The following RERE variants were observed in gnomAD, a reference collection of about 807,000 sequenced individuals.
RERE encodes arginine-glutamic acid dipeptide repeats, also known as arginine-glutamic acid dipeptide repeats protein.
Under a neutral mutation model 146.1 loss-of-function variants are expected in RERE, and 40 were observed. That is an observed-to-expected ratio of 0.27 (90% CI 0.21 to 0.36). The LOEUF is 0.36. RERE is among the 10% of genes least tolerant of loss of function. The probability of loss-of-function intolerance (pLI) is 1.00; values close to 1 mark genes in which losing one functional copy is unlikely to be tolerated. For synonymous variants in RERE, 1,003 were observed against 866.0 expected (o/e 1.16, Z -2.78); for missense variants, 1,933 against 2,138.7 (o/e 0.90, Z 1.90).
intron 6 of RERE, among the ~76,000 whole-genome samples, chr1:8,550,943 T>A (rs532078401): frequency 6.6e-6 from 1 of 152,236 alleles, no homozygotes; most frequent in Non-Finnish European, 1.5e-5. Flanking sequence ...ATGAACCTAG[T>A]TGCTCATAAC....
At chr1:8,389,901 C>A (rs1642825655) in intron 12 of RERE, among the ~76,000 whole-genome samples, 2 of 152,196 alleles carry the variant, frequency 1.3e-5, no homozygotes, top group Non-Finnish European at 2.9e-5. Flanking sequence ...TCACCTCCAA[C>A]CACCAATGGC....
intron 2 of RERE, among the ~76,000 whole-genome samples, chr1:8,645,090 T>C (rs1021067668): frequency 6.6e-6 from 1 of 152,138 alleles, no homozygotes; most frequent in African/African-American, 2.4e-5. Context: ...GGAAACAATG[T>C]CTAGGTTGTA....
At chr1:8,750,618 T>A (rs1640513579) in intron 1 of RERE, 1 of 974,716 alleles carries the variant, frequency 1.0e-6, no homozygotes, top group Non-Finnish European at 1.6e-6. Context: ...TATAGGCAGA[T>A]GTACAGAACT....
chr1:8,573,266 A>G (rs992129806), intron 4 of RERE, among the ~76,000 whole-genome samples: 2 of 152,230 alleles, frequency 1.3e-5, no homozygotes, highest in African/African-American at 4.8e-5. Flanking sequence ...ACCTGCCTAC[A>G]GCCCAGAGGT....
At chr1:8,790,215 C>T (rs1469695188) in intron 1 of RERE, among the ~76,000 whole-genome samples, 1 of 152,090 alleles carries the variant, frequency 6.6e-6, no homozygotes, top group African/African-American at 2.4e-5. Flanking sequence ...TTATGTGCTC[C>T]TTTGGGACAG....
intron 11 of RERE, among the ~76,000 whole-genome samples, chr1:8,431,863 G>A (rs1009823200): frequency 9.9e-5 from 15 of 152,130 alleles, no homozygotes; most frequent in Admixed American, 9.8e-4. Context: ...TCTGTCAGCT[G>A]CAGCAGAGTT....
chr1:8,746,385 A>G (rs1334217723), intron 1 of RERE, among the ~76,000 whole-genome samples: 1 of 152,188 alleles, frequency 6.6e-6, no homozygotes, highest in Non-Finnish European at 1.5e-5. Flanking sequence ...CCTGGCCACC[A>G]TGACTTGTTC....
intron 1 of RERE, among the ~76,000 whole-genome samples, chr1:8,744,812 G>A (rs1339344087): frequency 6.6e-6 from 1 of 152,070 alleles, no homozygotes. Context: ...CTATTAAGAT[G>A]GAATAAATAG....
chr1:8,452,757 C>T (rs1644403624), intron 11 of RERE, among the ~76,000 whole-genome samples: 1 of 152,148 alleles, frequency 6.6e-6, no homozygotes, highest in South Asian at 2.1e-4. Context: ...AAAATAAAGA[C>T]CTTCCTTTTT....
At chr1:8,692,764 C>T (rs576129755) in intron 1 of RERE, among the ~76,000 whole-genome samples, 1 of 152,128 alleles carries the variant, frequency 6.6e-6, no homozygotes, top group South Asian at 2.1e-4. Flanking sequence ...TGATTAAATC[C>T]GTGGACACAG....
At chr1:8,594,138 T>C (rs1338587505) in intron 4 of RERE, among the ~76,000 whole-genome samples, 2 of 152,212 alleles carry the variant, frequency 1.3e-5, no homozygotes, top group Non-Finnish European at 2.9e-5. Flanking sequence ...AGAATAACCC[T>C]ATGAAGCATG....
intron 12 of RERE, among the ~76,000 whole-genome samples, 163 bp downstream of exon 12, chr1:8,422,564 T>G (rs1465550181): frequency 6.6e-6 from 1 of 152,080 alleles, no homozygotes; most frequent in Non-Finnish European, 1.5e-5. Flanking sequence ...AATTATGAAC[T>G]CAAATTAAAA....
chr1:8,813,763 C>T lies in RERE; in HGVS notation c.-145+3397G>A, dbSNP rs546847831. On this transcript the variant is annotated intron_variant, in intron 1 of 22. Transcript: ENST00000400908. ...CCAAGTAGCTGGGATTACAGCCACG[C>T]GCCAAAGTGCCAGGCTAATTTTTGT... 2.8e-4 allele frequency among the ~76,000 whole-genome samples: 42 copies of T among 152,000 alleles called. No individual in the cohort carries two copies. The South Asian group carries it at 2.9e-3, about 11-fold the overall frequency.
At chr1:8,762,072 C>G (rs1640766972) in intron 1 of RERE, among the ~76,000 whole-genome samples, 1 of 152,188 alleles carries the variant, frequency 6.6e-6, no homozygotes, top group South Asian at 2.1e-4. Context: ...CAAAAAGGCT[C>G]CATTCCCCAC....
At chr1:8,805,698 G>A (rs1641677650) in intron 1 of RERE, among the ~76,000 whole-genome samples, 1 of 151,280 alleles carries the variant, frequency 6.6e-6, no homozygotes, top group African/African-American at 2.4e-5. Context: ...ATGGTGGTGT[G>A]TGCCTGTAGT....
intron 4 of RERE, among the ~76,000 whole-genome samples, chr1:8,575,258 C>G (rs1488941924): frequency 6.6e-6 from 1 of 152,038 alleles, no homozygotes; most frequent in Non-Finnish European, 1.5e-5. Context: ...AACCAGAAAT[C>G]GTGCATCCTT....
intron 1 of RERE, among the ~76,000 whole-genome samples, chr1:8,732,690 T>A (rs1423865408): frequency 6.6e-6 from 1 of 152,116 alleles, no homozygotes; most frequent in African/African-American, 2.4e-5. Context: ...GCTTCATCAG[T>A]TGTAACAGAT....
intron 10 of RERE, among the ~76,000 whole-genome samples, chr1:8,487,700 G>A (rs1232917825): frequency 2.6e-5 from 4 of 152,098 alleles, no homozygotes; most frequent in African/African-American, 9.7e-5. Context: ...TCAAGGAAGT[G>A]CAATAAAGCA....
At chr1:8,531,533 A>C (rs561979793) in intron 7 of RERE, among the ~76,000 whole-genome samples, 1 of 152,216 alleles carries the variant, frequency 6.6e-6, no homozygotes, top group South Asian at 2.1e-4. Flanking sequence ...CTATGGTGAA[A>C]ATTATACTTT....
Sources: allele counts gnomAD v4.1 joint callset (sites outside exome capture counted in the v4.1 genomes callset), GRCh38; gene constraint gnomAD v4.1.1; transcripts MANE v1.5; gene names NCBI Gene and HGNC (gene_info 2026-07-23, HGNC 2026-07-21).